GAS2L3: variants seen among roughly 807,000 people sequenced by gnomAD.
GAS2L3 encodes the protein growth arrest specific 2 like 3, also known as GAS2-like protein 3.
A neutral mutation model predicts 37.0 loss-of-function variants in GAS2L3; 28 were observed. That is an observed-to-expected ratio of 0.76 (90% CI 0.56 to 1.04). The LOEUF (loss-of-function observed/expected upper bound fraction) is 1.04. Ranked by LOEUF, GAS2L3 falls within the 50% of genes least tolerant of loss-of-function variation. The pLI is 0.00. For synonymous variants in GAS2L3, 290 were observed against 296.6 expected, an observed-to-expected ratio of 0.98 and a Z score of 0.23; for missense variants, 793 against 817.6, an observed-to-expected ratio of 0.97 and a Z score of 0.37.
At chr12:100,603,123 C>A (rs938308332) in intron 5 of GAS2L3, among the ~76,000 whole-genome samples, 9 of 152,128 alleles carry the variant, frequency 5.9e-5, no homozygotes. Flanking sequence ...CAGATAGTCT[C>A]TTTAATATAC....
intron 4 of GAS2L3, 83 bp downstream of exon 4, chr12:100,600,633 A>T (rs1221459947): frequency 2.8e-6 from 3 of 1,066,400 alleles, no homozygotes; most frequent in Non-Finnish European, 4.3e-6. Context: ...TCAAGGAGTG[A>T]TTGTTACAGA....
At chr12:100,593,324 G>T (rs922148843) in intron 2 of GAS2L3, among the ~76,000 whole-genome samples, 18 of 152,010 alleles carry the variant, frequency 1.2e-4, no homozygotes, top group African/African-American at 4.3e-4. Context: ...AATCCAGATG[G>T]TTATATTTTT....
At chr12:100,587,546 A>G (rs1469614542) in intron 1 of GAS2L3, among the ~76,000 whole-genome samples, 1 of 152,216 alleles carries the variant, frequency 6.6e-6, no homozygotes, top group Non-Finnish European at 1.5e-5. Context: ...CTTTCTGATT[A>G]AAACTCTCAG....
rs1470165026 is a variant in GAS2L3, at chr12:100,587,679, CA to C, written c.-151-4055del. Reference sequence around the variant, plus strand: ...ATTCCCTCTGGGAACTGGAACAAGACAAGGATGCCCACTCTGACCACTCCTC... The same window carrying C: ...ATTCCCTCTGGGAACTGGAACAAGACAGGATGCCCACTCTGACCACTCCTC... On this transcript the variant is annotated intron_variant, in intron 1 of 9. Coordinates refer to ENST00000547754, the MANE Select transcript of GAS2L3 (RefSeq NM_174942.3). 3.3e-5 allele frequency among the ~76,000 whole-genome samples: 5 copies of C among 152,202 alleles called. No homozygotes were observed. The East Asian group carries it at 9.6e-4, about 29-fold the overall frequency.
intron 1 of GAS2L3, among the ~76,000 whole-genome samples, chr12:100,578,297 C>T (rs1167018704): frequency 6.6e-6 from 1 of 152,092 alleles, no homozygotes. Context: ...GTCCTGGTAA[C>T]TTAGTGAATT....
At position 100,601,668 on chromosome 12, in the gene GAS2L3, A is replaced by G. The variant is rs1955991232; in HGVS notation, c.218A>G (p.Glu73Gly). 2 of 1,590,840 alleles carry G rather than the reference A, an allele frequency of 1.3e-6. No individual in the cohort carries two copies. The highest frequency in any genetic ancestry group is 1.3e-5 in the African/African-American group (1 of 74,468). Residue 73 changes from glutamate to glycine, a missense_variant, in exon 5 of 10, where the codon GAA becomes GGA. Glu to Gly is a moderately conservative substitution (Grantham distance 98). Coordinates refer to ENST00000547754, the MANE Select transcript of GAS2L3 (RefSeq NM_174942.3). ...GIKVKAEKLL[E>G]ELDNGVLLCQ... ...AAAGTTAAGGCAGAAAAATTATTGG[A>G]AGAACTTGATAATGGAGTACTATTA...
chr12:100,576,041 G>A (rs746802751), intron 1 of GAS2L3, among the ~76,000 whole-genome samples: 2 of 152,026 alleles, frequency 1.3e-5, no homozygotes, highest in Non-Finnish European at 2.9e-5. Flanking sequence ...TAAAAGAATA[G>A]TGTCAACAAA....
intron 3 of GAS2L3, among the ~76,000 whole-genome samples, chr12:100,597,967 T>G (rs1398907638): frequency 6.6e-6 from 1 of 152,146 alleles, no homozygotes; most frequent in Non-Finnish European, 1.5e-5. Flanking sequence ...GTTTGGTTTT[T>G]TTAAAAAAAA....
intron 1 of GAS2L3, among the ~76,000 whole-genome samples, chr12:100,588,375 TAA>T (rs914001812): frequency 6.6e-6 from 1 of 152,086 alleles, no homozygotes; most frequent in Non-Finnish European, 1.5e-5. Flanking sequence ...AAGTTTTTAT[TAA>T]GGGTTTCAAA....
At chr12:100,606,602 T>C (rs1956060026) in intron 5 of GAS2L3, among the ~76,000 whole-genome samples, 2 of 152,086 alleles carry the variant, frequency 1.3e-5, no homozygotes, top group Admixed American at 6.5e-5. Flanking sequence ...GTGAAGGTGA[T>C]TTTCTCTGGT....
intron 5 of GAS2L3, among the ~76,000 whole-genome samples, chr12:100,610,612 A>G (rs1441902992): frequency 3.9e-5 from 6 of 152,074 alleles, no homozygotes; most frequent in African/African-American, 1.4e-4. Context: ...TAGTAACAGG[A>G]AGGATATACA....
intron 6 of GAS2L3, among the ~76,000 whole-genome samples, chr12:100,614,200 A>G (rs1956160240): frequency 6.6e-6 from 1 of 152,166 alleles, no homozygotes; most frequent in Admixed American, 6.5e-5. Context: ...GCATTGGCTC[A>G]CACCTGTAAT....
At chr12:100,617,861 C>T in intron 7 of GAS2L3, 54 bp downstream of exon 7, 1 of 1,054,226 alleles carries the variant, frequency 9.5e-7, no homozygotes, top group Non-Finnish European at 1.5e-6. Context: ...TTTAAATCTA[C>T]TGAATTTTAG....
chr12:100,623,929 ATTCTCCAGCAGCATC>A lies in GAS2L3; in HGVS notation c.1130_1144del (p.Pro377_Ser381del). Reference sequence around the variant, plus strand: ...ATGTCAGTCCGTTCTAAATTGCCAAATTCTCCAGCAGCATCTTCTCATCCCAAGCTCAAGTCTTCA... The same window carrying A: ...ATGTCAGTCCGTTCTAAATTGCCAAATTCTCATCCCAAGCTCAAGTCTTCA... On this transcript the variant is annotated inframe_deletion, in exon 10 of 10. Coordinates refer to ENST00000547754, the MANE Select transcript of GAS2L3 (RefSeq NM_174942.3). The A allele has an allele frequency of 6.2e-7, 1 of 1,614,112 alleles. No individual in the cohort carries two copies. Among genetic ancestry groups the A allele is most frequent in the Non-Finnish European group, 8.5e-7 (1 of 1,180,012 alleles).
At chr12:100,613,012 T>A (rs995902820) in intron 6 of GAS2L3, among the ~76,000 whole-genome samples, 3 of 152,182 alleles carry the variant, frequency 2.0e-5, no homozygotes, top group Non-Finnish European at 4.4e-5. Context: ...GGCACCCCTA[T>A]CCAGTGTAGA....
intron 5 of GAS2L3, among the ~76,000 whole-genome samples, chr12:100,604,721 A>G (rs943175046): frequency 1.1e-4 from 16 of 151,948 alleles, no homozygotes; most frequent in Admixed American, 2.0e-4. Flanking sequence ...GTATGATACT[A>G]GCTGTAGGTC....
At chr12:100,602,332 G>T (rs1016536163) in intron 5 of GAS2L3, among the ~76,000 whole-genome samples, 1 of 151,986 alleles carries the variant, frequency 6.6e-6, no homozygotes, top group South Asian at 2.1e-4. Flanking sequence ...AGTAGATAAG[G>T]TTTCCTGTCT....
At chr12:100,606,204 A>G (rs948847251) in intron 5 of GAS2L3, among the ~76,000 whole-genome samples, 4 of 151,964 alleles carry the variant, frequency 2.6e-5, no homozygotes, top group Non-Finnish European at 4.4e-5. Flanking sequence ...CAATTTTTAT[A>G]TCCTTTTGCT....
chr12:100,579,099 A>C, intron 1 of GAS2L3: 1 of 727,044 alleles, frequency 1.4e-6, no homozygotes, highest in South Asian at 1.4e-5. Context: ...ATATTTGTTC[A>C]GGAGAGAGTC....
Sources: gnomAD v4.1 joint callset for allele counts (sites outside exome capture counted in the v4.1 genomes callset) on GRCh38, gnomAD v4.1.1 for gene constraint, MANE v1.5 for transcripts, NCBI Gene and HGNC (gene_info 2026-07-23, HGNC 2026-07-21) for gene names.